KLHL18: variants seen among roughly 807,000 people sequenced by gnomAD.
KLHL18 encodes the protein kelch-like protein 18.
KLHL18 carries 38 observed loss-of-function variants against 58.5 expected under a neutral mutation model. The ratio of observed to expected loss-of-function variants is 0.65; its 90% CI spans 0.50 to 0.85. KLHL18 has a LOEUF of 0.85. KLHL18 is among the 40% of genes least tolerant of loss of function. KLHL18 has a pLI of 0.00. For missense variants in KLHL18, 624 were observed against 778.4 expected, an observed-to-expected ratio of 0.80 and a Z score of 2.36; for synonymous variants, 303 against 301.9, an observed-to-expected ratio of 1.00 and a Z score of -0.04.
At chr3:47,283,390 A>C in intron 1 of KLHL18, 1 of 440,460 alleles carries the variant, frequency 2.3e-6, no homozygotes, top group Non-Finnish European at 4.1e-6. Flanking sequence ...GACAAGAGAA[A>C]ATGGACTTAC....
intron 6 of KLHL18, among the ~76,000 whole-genome samples, chr3:47,335,215 T>A (rs1703957513): frequency 6.6e-6 from 1 of 152,202 alleles, no homozygotes; most frequent in African/African-American, 2.4e-5. Context: ...CCGGATAGGA[T>A]ACAGTCAGAG....
At position 47,336,670 on chromosome 3, in the gene KLHL18, A is replaced by C; in HGVS notation, c.1034A>C (p.Asp345Ala). Residue 345 changes from aspartate (D) to alanine (A), a missense_variant, in exon 7 of 10, where the codon GAC (aspartate) becomes GCC (alanine). Coordinates refer to ENST00000232766, the MANE Select transcript of KLHL18 (RefSeq NM_025010.5). The part of the protein sequence containing the change: ...NGLLYAIGGY[D>A]GQLRLSTVEA... Reference sequence around the variant, plus strand: ...CTTCTCTATGCCATCGGAGGATATGACGGCCAGCTACGGCTGAGCACTGTG... The same window carrying C: ...CTTCTCTATGCCATCGGAGGATATGCCGGCCAGCTACGGCTGAGCACTGTG... The C allele has an allele frequency of 6.2e-7, 1 of 1,614,210 alleles. No homozygotes were observed. Among genetic ancestry groups the C allele is most frequent in the Non-Finnish European group, 8.5e-7 (1 of 1,180,032 alleles).
intron 1 of KLHL18, among the ~76,000 whole-genome samples, chr3:47,288,201 C>T (rs1384138960): frequency 3.5e-5 from 4 of 114,676 alleles, no homozygotes; most frequent in Non-Finnish European, 6.5e-5. Flanking sequence ...AGCCTGGGGA[C>T]AGAGTGAGAC....
chr3:47,297,732 T>C, intron 1 of KLHL18: 1 of 433,588 alleles, frequency 2.3e-6, no homozygotes, highest in Non-Finnish European at 4.6e-6. Context: ...TATTTTTAGA[T>C]GAAATAGGCT....
intron 1 of KLHL18, among the ~76,000 whole-genome samples, chr3:47,286,290 T>C (rs1702675385): frequency 6.6e-6 from 1 of 152,222 alleles, no homozygotes; most frequent in East Asian, 1.9e-4. Context: ...AGCAATATAA[T>C]GGTGGGACCG....
intron 1 of KLHL18, among the ~76,000 whole-genome samples, chr3:47,292,328 G>A (rs1448642462): frequency 6.6e-6 from 1 of 151,984 alleles, no homozygotes; most frequent in Non-Finnish European, 1.5e-5. Flanking sequence ...TATAAAATTA[G>A]CCAGGCGTGG....
intron 7 of KLHL18, among the ~76,000 whole-genome samples, chr3:47,340,187 G>C (rs1253648101): frequency 6.6e-6 from 1 of 152,200 alleles, no homozygotes; most frequent in African/African-American, 2.4e-5. Flanking sequence ...ATGAATGATT[G>C]TAACAACTGC....
intron 3 of KLHL18, among the ~76,000 whole-genome samples, chr3:47,326,309 G>A (rs1375632430): frequency 6.6e-6 from 1 of 152,188 alleles, no homozygotes; most frequent in Non-Finnish European, 1.5e-5. Context: ...ATGCGTCAAT[G>A]AACCACGTCA....
chr3:47,301,036 A>G (rs1022808325), intron 1 of KLHL18, among the ~76,000 whole-genome samples: 5 of 152,032 alleles, frequency 3.3e-5, no homozygotes, highest in Non-Finnish European at 5.9e-5. Context: ...TTAATGAAAT[A>G]TCTTTTCATG....
intron 1 of KLHL18, among the ~76,000 whole-genome samples, chr3:47,290,990 CTATCCGT>C (rs1702780231): frequency 6.6e-6 from 1 of 152,136 alleles, no homozygotes; most frequent in South Asian, 2.1e-4. Flanking sequence ...ACAGCCTGGA[CTATCCGT>C]TACCAGTCAA....
intron 3 of KLHL18, among the ~76,000 whole-genome samples, chr3:47,323,990 G>A (rs543423301): frequency 1.3e-5 from 2 of 152,300 alleles, no homozygotes; most frequent in African/African-American, 2.4e-5. Flanking sequence ...AATAACCGTG[G>A]TAATGATGCC....
intron 1 of KLHL18, among the ~76,000 whole-genome samples, chr3:47,302,471 G>A (rs1222990426): frequency 6.6e-6 from 1 of 152,158 alleles, no homozygotes; most frequent in Non-Finnish European, 1.5e-5. Context: ...GCAACAGAGC[G>A]AGACTCTGTC....
chr3:47,329,871 C>T, intron 3 of KLHL18, 80 bp from the exon 4 acceptor site: 1 of 1,239,612 alleles, frequency 8.1e-7, no homozygotes, highest in Non-Finnish European at 1.2e-6. Context: ...TTCTGTGGCT[C>T]TACCCAGAAC....
chr3:47,309,600 C>T (rs541836297), intron 1 of KLHL18, among the ~76,000 whole-genome samples: 6 of 152,348 alleles, frequency 3.9e-5, no homozygotes, highest in African/African-American at 1.4e-4. Flanking sequence ...GACGGGTTGG[C>T]GGCCGGGCAG....
At chr3:47,297,731 A>G (rs976267506) in intron 1 of KLHL18, 2 of 437,476 alleles carry the variant, frequency 4.6e-6, no homozygotes, top group Non-Finnish European at 9.2e-6. Flanking sequence ...CTATTTTTAG[A>G]TGAAATAGGC....
chr3:47,342,709 T>C lies in KLHL18; in HGVS notation c.1227-10T>C, dbSNP rs1704135035. 1 of 1,612,542 alleles carries C rather than the reference T, an allele frequency of 6.2e-7. No individual in the cohort carries two copies. Among genetic ancestry groups the C allele is most frequent in the African/African-American group, 1.3e-5 (1 of 74,908 alleles). On this transcript the variant is annotated splice_polypyrimidine_tract_variant and intron_variant, in intron 8 of 9. Transcript: ENST00000232766. Reference sequence around the variant, plus strand: ...CATGCTTCCCCTCCTATTTTGACTCTTTCCTGAAGATGGACAGTGGTGACC... The same window carrying C: ...CATGCTTCCCCTCCTATTTTGACTCCTTCCTGAAGATGGACAGTGGTGACC...
intron 1 of KLHL18, among the ~76,000 whole-genome samples, chr3:47,310,152 C>T (rs1703265091): frequency 6.6e-6 from 1 of 152,186 alleles, no homozygotes; most frequent in African/African-American, 2.4e-5. Context: ...CAGATTACTC[C>T]TAACTCAGAT....
chr3:47,327,099 C>T (rs1419472805), intron 3 of KLHL18, among the ~76,000 whole-genome samples: 1 of 151,178 alleles, frequency 6.6e-6, no homozygotes, highest in Non-Finnish European at 1.5e-5. Context: ...ATGAGCCGGC[C>T]GTGGTGGCGC....
rs191480291 is a variant in KLHL18 at position 47,311,430 on chromosome 3, C to T, written c.130-8223C>T. On this transcript the variant is annotated intron_variant, in intron 1 of 9. Coordinates refer to ENST00000232766, the MANE Select transcript of KLHL18 (RefSeq NM_025010.5). Reference sequence around the variant, plus strand: ...AGTATAGGCCAGGCGTGGTGGCTCACACCTGTAATCCCAGCACTTTGGGAG... The same window carrying T: ...AGTATAGGCCAGGCGTGGTGGCTCATACCTGTAATCCCAGCACTTTGGGAG... Among the ~76,000 whole-genome samples the T allele has an allele frequency of 1.2e-3, 178 of 152,232 alleles. 4 individuals are homozygous for T. In the East Asian group the frequency reaches 0.028, roughly 24 times the overall value.
Sources: allele counts gnomAD v4.1 joint callset (sites outside exome capture counted in the v4.1 genomes callset), GRCh38; gene constraint gnomAD v4.1.1; transcripts MANE v1.5; gene names NCBI Gene and HGNC (gene_info 2026-07-23, HGNC 2026-07-21).